Variants in RGS6 observed in about 807,000 individuals in gnomAD.
RGS6 encodes regulator of G protein signaling 6.
A neutral mutation model predicts 78.5 loss-of-function variants in RGS6; 30 were observed. That is an observed-to-expected ratio of 0.38 (90% CI 0.29 to 0.52). The LOEUF (loss-of-function observed/expected upper bound fraction) is 0.52, where lower values mean the gene tolerates loss of function less well. Among genes scored for constraint, RGS6 ranks in the 20% least tolerant of loss-of-function variants. RGS6 has a pLI of 0.85. For missense variants in RGS6, 495 were observed against 609.7 expected (o/e 0.81, Z 1.98); for synonymous variants, 206 against 206.0 (o/e 1.00, Z 0.00).
the RGS6 span, among the ~76,000 whole-genome samples, chr14:71,874,793 T>C: frequency 3.3e-5 from 5 of 152,164 alleles, no homozygotes; most frequent in Non-Finnish European, 5.9e-5. Context: ...CATAAATAGC[T>C]CTTATTATTT....
At chr14:72,629,450 G>A in the RGS6 span, among the ~76,000 whole-genome samples, 1 of 152,236 alleles carries the variant, frequency 6.6e-6, no homozygotes, top group Non-Finnish European at 1.5e-5. Context: ...GCCATAAGCA[G>A]TGTTGACCAC....
At chr14:71,903,946 G>T in the RGS6 span, among the ~76,000 whole-genome samples, 1 of 152,136 alleles carries the variant, frequency 6.6e-6, no homozygotes, top group African/African-American at 2.4e-5. Flanking sequence ...CCTCTTGGGG[G>T]TTATAATCCA....
intron 2 of RGS6, among the ~76,000 whole-genome samples, chr14:72,040,652 T>C (rs2092314264): frequency 1.3e-5 from 2 of 152,158 alleles, no homozygotes; most frequent in Admixed American, 6.5e-5. Context: ...ATGTTCTTTT[T>C]CCCCCTAGAT....
chr14:72,275,890 A>T (rs914859914), intron 2 of RGS6, among the ~76,000 whole-genome samples: 1 of 152,202 alleles, frequency 6.6e-6, no homozygotes, highest in African/African-American at 2.4e-5. Context: ...GGAGAGGGTT[A>T]GCTGGCATCT....
At chr14:72,246,713 C>T (rs981402101) in intron 2 of RGS6, among the ~76,000 whole-genome samples, 11 of 152,102 alleles carry the variant, frequency 7.2e-5, no homozygotes, top group East Asian at 1.9e-4. Flanking sequence ...AGTTCAAGGT[C>T]GGCCTGGCCA....
At chr14:72,382,359 A>G (rs2086392485) in intron 3 of RGS6, among the ~76,000 whole-genome samples, 2 of 152,226 alleles carry the variant, frequency 1.3e-5, no homozygotes, top group South Asian at 2.1e-4. Flanking sequence ...TGTCATTAAT[A>G]ATCATGAAAA....
the RGS6 span, among the ~76,000 whole-genome samples, chr14:71,874,007 G>A: frequency 6.6e-6 from 1 of 152,260 alleles, no homozygotes; most frequent in East Asian, 1.9e-4. Context: ...CTATATCTCT[G>A]TTTTGGTACC....
the RGS6 span, among the ~76,000 whole-genome samples, chr14:71,890,233 A>G: frequency 6.6e-6 from 1 of 152,180 alleles, no homozygotes; most frequent in Non-Finnish European, 1.5e-5. Flanking sequence ...ATTTTGTGTC[A>G]TTTTAATGCT....
chr14:72,373,856 GA>G (rs1440294327), intron 3 of RGS6, among the ~76,000 whole-genome samples: 1 of 151,304 alleles, frequency 6.6e-6, no homozygotes, highest in Non-Finnish European at 1.5e-5. Flanking sequence ...ATTTAATGAT[GA>G]AAAAATGCAA....
chr14:72,280,853 C>T (rs1019578164), intron 2 of RGS6, among the ~76,000 whole-genome samples: 3 of 152,202 alleles, frequency 2.0e-5, no homozygotes, highest in Admixed American at 6.5e-5. Flanking sequence ...GCCCAGCACT[C>T]TTCAAACGGC....
intron 17 of RGS6, among the ~76,000 whole-genome samples, chr14:72,544,844 A>G (rs1168261879): frequency 6.6e-6 from 1 of 152,202 alleles, no homozygotes; most frequent in African/African-American, 2.4e-5. Flanking sequence ...CCCTCCAGGC[A>G]GCTCTGCAGA....
At chr14:72,297,670 C>T (rs1304299756) in intron 2 of RGS6, among the ~76,000 whole-genome samples, 1 of 141,852 alleles carries the variant, frequency 7.0e-6, no homozygotes, top group South Asian at 2.3e-4. Flanking sequence ...TGAGAATATA[C>T]GGTGTTTGGT....
In RGS6 at chr14:72,472,896, A is replaced by G. The variant is rs2096124854; in HGVS notation, c.561A>G (p.Thr187=). Residue 187 remains threonine (T), a synonymous_variant, in exon 9 of 18, where the codon ACA becomes ACG. Transcript: ENST00000553525. ...GGATTGACCGGAAAAAAGACAAGACAGAAAGGAAAATTTTGGATAGTCAAG... is the reference window on the plus strand; with the variant it reads ...GGATTGACCGGAAAAAAGACAAGACGGAAAGGAAAATTTTGGATAGTCAAG... ...QVKIDRKKDK[T]ERKILDSQER... 6.2e-7 allele frequency: 1 copy of G among 1,613,478 alleles called. No homozygotes were observed. Among genetic ancestry groups the G allele is most frequent in the East Asian group, 2.2e-5 (1 of 44,830 alleles).
At chr14:72,255,692 A>G (rs563462279) in intron 2 of RGS6, among the ~76,000 whole-genome samples, 1 of 152,292 alleles carries the variant, frequency 6.6e-6, no homozygotes, top group South Asian at 2.1e-4. Flanking sequence ...CTGATTTTCT[A>G]TTGCTAAAAA....
At chr14:72,305,442 C>A (rs2067022687) in intron 2 of RGS6, among the ~76,000 whole-genome samples, 1 of 152,178 alleles carries the variant, frequency 6.6e-6, no homozygotes, top group African/African-American at 2.4e-5. Context: ...GCAAGTCTAT[C>A]AGTGCCATTT....
chr14:72,325,109 A>C (rs1452062957), intron 2 of RGS6, among the ~76,000 whole-genome samples: 1 of 152,244 alleles, frequency 6.6e-6, no homozygotes, highest in Non-Finnish European at 1.5e-5. Flanking sequence ...ATGGCCAGTG[A>C]TGATGAGCAT....
At chr14:72,011,256 T>A (rs1472975764) in intron 2 of RGS6, among the ~76,000 whole-genome samples, 1 of 152,244 alleles carries the variant, frequency 6.6e-6, no homozygotes, top group Non-Finnish European at 1.5e-5. Context: ...TTGTTTTTTC[T>A]TGTGTCAGAG....
chr14:72,441,196 A>G (rs1053701316), intron 3 of RGS6, among the ~76,000 whole-genome samples: 1 of 152,158 alleles, frequency 6.6e-6, no homozygotes, highest in African/African-American at 2.4e-5. Context: ...GGCTGGAATG[A>G]GAGGCTGAAG....
At chr14:72,164,592 A>C (rs1447097033) in intron 2 of RGS6, among the ~76,000 whole-genome samples, 1 of 152,188 alleles carries the variant, frequency 6.6e-6, no homozygotes, top group African/African-American at 2.4e-5. Flanking sequence ...GAGGAAATGA[A>C]ACCTTAGAAT....
Sources: allele counts gnomAD v4.1 joint callset (sites outside exome capture counted in the v4.1 genomes callset), GRCh38; gene constraint gnomAD v4.1.1; transcripts MANE v1.5; gene names NCBI Gene and HGNC (gene_info 2026-07-23, HGNC 2026-07-21).